The following ADGRL2 variants were observed in gnomAD, a reference collection of about 807,000 sequenced individuals.
The protein encoded by ADGRL2 is adhesion G protein-coupled receptor L2, also known as calcium-independent alpha-latrotoxin receptor 2.
In ADGRL2, 44 loss-of-function variants were observed where a neutral mutation model predicts 157.4. That is an observed-to-expected ratio of 0.28 (90% CI 0.22 to 0.36). The LOEUF (loss-of-function observed/expected upper bound fraction) is 0.36, where lower values mean the gene tolerates loss of function less well. Ranked by LOEUF, ADGRL2 falls within the 10% of genes least tolerant of loss-of-function variation. The pLI, the probability that ADGRL2 is intolerant of heterozygous loss-of-function variation, is 1.00. For synonymous variants in ADGRL2, 585 were observed against 624.7 expected, an observed-to-expected ratio of 0.94 and a Z score of 0.95; for missense variants, 1,510 against 1,768.9, an observed-to-expected ratio of 0.85 and a Z score of 2.63.
At chr1:81,814,463 T>C (rs1198582828) in intron 1 of ADGRL2, among the ~76,000 whole-genome samples, 1 of 151,334 alleles carries the variant, frequency 6.6e-6, no homozygotes, top group Non-Finnish European at 1.5e-5. Flanking sequence ...TGTTAAACAT[T>C]TTAAGTGGAA....
At chr1:81,495,270 G>T (rs1368998666) in intron 2 of ADGRL2, among the ~76,000 whole-genome samples, 6 of 152,044 alleles carry the variant, frequency 3.9e-5, no homozygotes, top group Non-Finnish European at 5.9e-5. Flanking sequence ...TGCAAAAGGC[G>T]CTCATCTCCA....
intron 1 of ADGRL2, among the ~76,000 whole-genome samples, chr1:81,409,654 T>C (rs914533430): frequency 6.6e-6 from 1 of 152,210 alleles, no homozygotes; most frequent in African/African-American, 2.4e-5. Context: ...GTACATCTCT[T>C]CTCATGGGAG....
intron 2 of ADGRL2, among the ~76,000 whole-genome samples, chr1:81,851,262 G>A (rs545226498): frequency 6.6e-6 from 1 of 152,044 alleles, no homozygotes; most frequent in Non-Finnish European, 1.5e-5. Flanking sequence ...CTACACTGAA[G>A]TCAGCTAACG....
chr1:81,879,245 T>C (rs1213748041), intron 2 of ADGRL2, among the ~76,000 whole-genome samples: 1 of 151,966 alleles, frequency 6.6e-6, no homozygotes, highest in Non-Finnish European at 1.5e-5. Flanking sequence ...GAAACTGAAG[T>C]ATGCTTAAAA....
chr1:81,511,593 A>C (rs1156620188), intron 2 of ADGRL2, among the ~76,000 whole-genome samples: 2 of 152,042 alleles, frequency 1.3e-5, no homozygotes, highest in Non-Finnish European at 2.9e-5. Flanking sequence ...GGGGGAAAGA[A>C]GTGGCCAAAG....
At chr1:81,502,854 C>T (rs2078884580) in intron 2 of ADGRL2, 10 of 1,612,974 alleles carry the variant, frequency 6.2e-6, no homozygotes, top group African/African-American at 1.3e-5. Flanking sequence ...CCCTCCTCTC[C>T]CCACCCAAGA....
At chr1:81,386,177 A>G (rs2076431592) in intron 1 of ADGRL2, among the ~76,000 whole-genome samples, 1 of 152,156 alleles carries the variant, frequency 6.6e-6, no homozygotes, top group Non-Finnish European at 1.5e-5. Context: ...TTCAAAGGTA[A>G]TCTAATGACA....
intron 1 of ADGRL2, among the ~76,000 whole-genome samples, chr1:81,757,684 A>T (rs1394103237): frequency 1.3e-5 from 2 of 152,200 alleles, no homozygotes; most frequent in African/African-American, 4.8e-5. Flanking sequence ...CGAATTGTTC[A>T]TTGCTCAATT....
intron 1 of ADGRL2, among the ~76,000 whole-genome samples, chr1:81,754,193 T>TTCCC (rs971640856): frequency 1.0e-4 from 15 of 149,742 alleles, no homozygotes; most frequent in African/African-American, 1.7e-4. Context: ...ATTTCATAGA[T>TTCCC]TCCCTCCCTC....
chr1:81,490,735 G>A (rs934679101), intron 2 of ADGRL2, among the ~76,000 whole-genome samples: 8 of 152,314 alleles, frequency 5.3e-5, no homozygotes, highest in South Asian at 4.1e-4. Flanking sequence ...TTTGGAAGGC[G>A]TCTTGGCAGT....
chr1:81,738,474 AACTAAT>A (rs2149212196), intron 1 of ADGRL2, among the ~76,000 whole-genome samples: 2 of 152,290 alleles, frequency 1.3e-5, no homozygotes, highest in African/African-American at 4.8e-5. Flanking sequence ...CAGTTTAGGA[AACTAAT>A]ACTAAGACTG....
chr1:81,369,883 G>A (rs2076132745), intron 1 of ADGRL2, among the ~76,000 whole-genome samples: 2 of 152,056 alleles, frequency 1.3e-5, no homozygotes, highest in Non-Finnish European at 2.9e-5. Flanking sequence ...ATTTCACTAA[G>A]CTTTTTGGAA....
Position 81,464,427 on chromosome 1 carries a change from C to T in ADGRL2, c.-248+19338C>T, listed in dbSNP as rs1019065776. On this transcript the variant is annotated intron_variant, in intron 2 of 24. Transcript: ENST00000370721. ...TAGCTAATCCAGACATCCCACACAG[C>T]AGGGGAAAAACTGCTGTATCTAGTG... Among the ~76,000 whole-genome samples, 6 of 147,786 alleles carry T rather than the reference C, an allele frequency of 4.1e-5. No individual in the cohort carries two copies. In the Admixed American group the frequency reaches 4.1e-4, roughly 10 times the overall value.
At chr1:81,857,889 C>A (rs2093258422) in intron 2 of ADGRL2, among the ~76,000 whole-genome samples, 1 of 151,964 alleles carries the variant, frequency 6.6e-6, no homozygotes, top group South Asian at 2.1e-4. Context: ...CTTATTTATA[C>A]AGCAATTAAT....
At chr1:81,425,246 A>G (rs1420006982) in intron 1 of ADGRL2, among the ~76,000 whole-genome samples, 4 of 152,194 alleles carry the variant, frequency 2.6e-5, no homozygotes, top group Non-Finnish European at 5.9e-5. Context: ...TATACACACA[A>G]CACAATCACG....
intron 2 of ADGRL2, among the ~76,000 whole-genome samples, chr1:81,846,680 C>T (rs1007472431): frequency 6.6e-6 from 1 of 151,906 alleles, no homozygotes; most frequent in Non-Finnish European, 1.5e-5. Flanking sequence ...AATTAGTTCT[C>T]TTTTCCCTTA....
Position 81,379,184 on chromosome 1 carries a change from T to C in ADGRL2, c.-301-65852T>C, listed in dbSNP as rs1287598991. Among the ~76,000 whole-genome samples the C allele has an allele frequency of 2.0e-5, 3 of 152,162 alleles. No homozygotes were observed. In the East Asian group the frequency reaches 5.8e-4, roughly 29 times the overall value. On this transcript the variant is annotated intron_variant, in intron 1 of 24. Coordinates refer to the ADGRL2 transcript ENST00000370721. ...GTATATTGAAATGGGAAATGTTCCC[T>C]CGTCTCCTCAAAGGGCGGGTGATAG...
At position 81,991,281 on chromosome 1, in the gene ADGRL2, C is replaced by G. The variant is rs964232943; in HGVS notation, c.*136C>G. On this transcript the variant is annotated 3_prime_UTR_variant, in exon 24 of 24. Transcript: ENST00000686636. ...TGGTTCTCTGGTGTAAAAAAGATGACTGAACCTTGCAGTTCTGTGAATTTT... is the reference window on the plus strand; with the variant it reads ...TGGTTCTCTGGTGTAAAAAAGATGAGTGAACCTTGCAGTTCTGTGAATTTT... 3.5e-5 allele frequency: 26 copies of G among 752,682 alleles called. No homozygotes were observed. In the African/African-American group the frequency reaches 4.6e-4, roughly 13 times the overall value. The allele number at this position is 752,682 out of a possible 1,614,324, so 46.6% of individuals were successfully genotyped here. A position where few individuals can be genotyped will look rare whatever the true frequency, so the allele number is the denominator to read the frequency against.
chr1:81,496,470 C>G (rs1179469603), intron 2 of ADGRL2, among the ~76,000 whole-genome samples: 1 of 152,080 alleles, frequency 6.6e-6, no homozygotes, highest in African/African-American at 2.4e-5. Flanking sequence ...CTAGTGACCA[C>G]CTCTTCTGTG....
Sources: allele counts gnomAD v4.1 joint callset (sites outside exome capture counted in the v4.1 genomes callset), GRCh38; gene constraint gnomAD v4.1.1; transcripts MANE v1.5; gene names NCBI Gene and HGNC (gene_info 2026-07-23, HGNC 2026-07-21).